FLT3: variants seen among roughly 807,000 people sequenced by gnomAD.
FLT3 encodes the protein fms related receptor tyrosine kinase 3.
In FLT3, 46 loss-of-function variants were observed where a neutral mutation model predicts 126.6. The observed-to-expected ratio is 0.36, with a 90% CI of 0.29 to 0.46. The LOEUF (loss-of-function observed/expected upper bound fraction) is 0.46. Among genes scored for constraint, FLT3 ranks in the 20% least tolerant of loss-of-function variants. The probability of loss-of-function intolerance (pLI) is 1.00; values close to 1 mark genes in which losing one functional copy is unlikely to be tolerated. For missense variants in FLT3, 1,069 were observed against 1,190.3 expected (o/e 0.90, Z 1.50); for synonymous variants, 404 against 434.4 (o/e 0.93, Z 0.87).
chr13:28,100,028 AGAC>A lies in FLT3; in HGVS notation c.43+437_43+439del, dbSNP rs1234557765. Among the ~76,000 whole-genome samples the A allele has an allele frequency of 6.6e-6, 1 of 152,194 alleles. No homozygotes were observed. The highest frequency in any genetic ancestry group is 1.9e-4 in the East Asian group (1 of 5,162). On this transcript the variant is annotated intron_variant, in intron 1 of 23. Transcript: ENST00000241453. The surrounding 1 kb of genome is among the most constrained non-coding windows in gnomAD (Gnocchi z 4.8). ...ATCAAAACCTCAAAAGAAGAGTTAA[AGAC>A]GACACCCAGGTGTCTACAGTATCCA...
chr13:28,048,070 A>G (rs991026798), intron 9 of FLT3, among the ~76,000 whole-genome samples: 2 of 152,236 alleles, frequency 1.3e-5, no homozygotes, highest in African/African-American at 4.8e-5. Flanking sequence ...GTTTTCATGC[A>G]GCAGGTTATA....
Position 28,049,501 on chromosome 13 carries a change from T to G in FLT3, c.919A>C (p.Arg307=). Residue 307 remains arginine (R), a synonymous_variant, in exon 8 of 24, where the codon AGA becomes CGA. Transcript: ENST00000241453. ...YFEMSTYSTN[R]TMIRILFAFV... ...GCAAACAGAATCCGTATCATAGTTCTGTTTGTTGAATAGGTACTCATCTCA... is the reference window on the plus strand; with the variant it reads ...GCAAACAGAATCCGTATCATAGTTCGGTTTGTTGAATAGGTACTCATCTCA... The G allele has an allele frequency of 6.2e-7, 1 of 1,614,040 alleles. No individual in the cohort carries two copies. The highest frequency in any genetic ancestry group is 8.5e-7 in the Non-Finnish European group (1 of 1,179,924).
chr13:28,086,893 C>G (rs1327507849), intron 1 of FLT3, among the ~76,000 whole-genome samples: 1 of 151,172 alleles, frequency 6.6e-6, no homozygotes, highest in East Asian at 2.0e-4. Flanking sequence ...GGGATCTGCC[C>G]ACCTTGGCCT....
intron 20 of FLT3, among the ~76,000 whole-genome samples, chr13:28,017,660 T>C (rs1207219353): frequency 1.4e-5 from 2 of 140,600 alleles, no homozygotes; most frequent in African/African-American, 2.6e-5. Flanking sequence ...GTTTTTTTTG[T>C]TGTTGTTTTT....
chr13:28,056,689 C>A (rs1035725261), intron 4 of FLT3, among the ~76,000 whole-genome samples: 1 of 152,224 alleles, frequency 6.6e-6, no homozygotes, highest in Non-Finnish European at 1.5e-5. Context: ...TGGTCTAGCA[C>A]GCATGTGGGC....
At position 28,011,791 on chromosome 13, in the gene FLT3, CTCTTTTTCTT is replaced by C. The variant is rs1566055227; in HGVS notation, c.2859+2651_2859+2660del. On this transcript the variant is annotated intron_variant, in intron 23 of 23. Coordinates refer to ENST00000241453, the MANE Select transcript of FLT3 (RefSeq NM_004119.3). ...TCCTTCCTTCTTTCTCTCTTTCTTT[CTCTTTTTCTT>C]TCTTTTTCTTTTTTGAGATAGAGTC... is the stretch of plus-strand genomic sequence containing the variant. Among the ~76,000 whole-genome samples the C allele has an allele frequency of 4.6e-5, 6 of 129,876 alleles. No homozygotes were observed. The South Asian group carries it at 7.4e-4, about 16-fold the overall frequency. The allele number at this position is 129,876 out of a possible 152,430, so 85.2% of individuals were successfully genotyped here.
chr13:28,039,154 G>A (rs1288942703), intron 9 of FLT3, among the ~76,000 whole-genome samples: 8 of 151,982 alleles, frequency 5.3e-5, no homozygotes, highest in Non-Finnish European at 7.4e-5. Context: ...GAGGAGGAAC[G>A]GCAAGCCTCT....
Position 28,015,274 on chromosome 13 carries a change from C to T in FLT3, c.2654-18G>A, listed in dbSNP as rs1951281488. 1 of 1,423,212 alleles carries T rather than the reference C, an allele frequency of 7.0e-7. No homozygotes were observed. Among genetic ancestry groups the T allele is most frequent in the Non-Finnish European group, 9.9e-7 (1 of 1,007,980 alleles). 88.2% of individuals were successfully genotyped at this position (1,423,212 alleles called of 1,614,324 possible). A position where few individuals can be genotyped will look rare whatever the true frequency, so the allele number is the denominator to read the frequency against. ...ATTCACACCTGAGGAAAACATTAGACAATTGCAGCCATTCATCCATTTCTT... is the reference window on the plus strand; with the variant it reads ...ATTCACACCTGAGGAAAACATTAGATAATTGCAGCCATTCATCCATTTCTT... On this transcript the variant is annotated intron_variant, in intron 21 of 23. Transcript: ENST00000241453.
In FLT3 at chr13:28,059,442, T is replaced by C. The variant is rs573930141; in HGVS notation, c.369-1980A>G. ...GGACAGCAGGGGGCAGCAATCAGCATAGAGCTATACAGGGTTAGGACATTA... is the reference window on the plus strand; with the variant it reads ...GGACAGCAGGGGGCAGCAATCAGCACAGAGCTATACAGGGTTAGGACATTA... On this transcript the variant is annotated intron_variant, in intron 3 of 23. Coordinates refer to ENST00000241453, the MANE Select transcript of FLT3 (RefSeq NM_004119.3). Among the ~76,000 whole-genome samples the C allele has an allele frequency of 2.0e-5, 3 of 152,304 alleles. No individual in the cohort carries two copies. The East Asian group carries it at 5.8e-4, about 29-fold the overall frequency.
At chr13:28,065,074 G>A (rs904450421) in intron 2 of FLT3, among the ~76,000 whole-genome samples, 1 of 152,110 alleles carries the variant, frequency 6.6e-6, no homozygotes, top group Non-Finnish European at 1.5e-5. Flanking sequence ...AGAAAGCTAG[G>A]TGCAAAAAGT....
chr13:28,098,361 T>C (rs1879610598), intron 1 of FLT3, among the ~76,000 whole-genome samples: 1 of 144,622 alleles, frequency 6.9e-6, no homozygotes, highest in African/African-American at 2.6e-5. Flanking sequence ...ATAAGGGAAA[T>C]TGGGATCCCA....
intron 4 of FLT3, among the ~76,000 whole-genome samples, chr13:28,056,518 T>C (rs1050453002): frequency 1.3e-5 from 2 of 152,190 alleles, no homozygotes; most frequent in Non-Finnish European, 2.9e-5. Flanking sequence ...TTCTTGGTCA[T>C]GGAAGGCGAA....
At chr13:28,084,653 A>C (rs1235916057) in intron 1 of FLT3, among the ~76,000 whole-genome samples, 1 of 152,156 alleles carries the variant, frequency 6.6e-6, no homozygotes, top group Non-Finnish European at 1.5e-5. Flanking sequence ...TATTGTAGTC[A>C]GAAGATATAC....
intron 1 of FLT3, among the ~76,000 whole-genome samples, chr13:28,072,187 TA>T (rs1877578289): frequency 6.6e-6 from 1 of 150,786 alleles, no homozygotes; most frequent in African/African-American, 2.4e-5. Context: ...TGTATATGTA[TA>T]TATTAAGTAT....
At chr13:28,095,493 C>T (rs944832988) in intron 1 of FLT3, among the ~76,000 whole-genome samples, 1 of 152,134 alleles carries the variant, frequency 6.6e-6, no homozygotes, top group African/African-American at 2.4e-5. Flanking sequence ...CCAGGATGGT[C>T]TTGATCTCTT....
At chr13:28,044,275 C>G (rs1026834645) in intron 9 of FLT3, among the ~76,000 whole-genome samples, 3 of 152,020 alleles carry the variant, frequency 2.0e-5, no homozygotes, top group African/African-American at 4.8e-5. Context: ...ATGGCAAAAC[C>G]CCGTCTCTAC....
intron 5 of FLT3, among the ~76,000 whole-genome samples, chr13:28,051,965 T>A (rs1875528559): frequency 6.6e-6 from 1 of 151,900 alleles, no homozygotes; most frequent in East Asian, 1.9e-4. Context: ...TTGTGTAGCA[T>A]GATGCCCAGG....
At position 28,037,257 on chromosome 13, in the gene FLT3, G is replaced by A. The variant is rs372040990; in HGVS notation, c.1237C>T (p.Pro413Ser). ...TCTGCATGGAATATATATTCTCCTGGCTGGTGCTTATGATTGCAAAACTTG... is the reference window on the plus strand; with the variant it reads ...TCTGCATGGAATATATATTCTCCTGACTGGTGCTTATGATTGCAAAACTTG... ...ISKFCNHKHQPGEYIFHAEND... is the reference protein window; with the variant it reads ...ISKFCNHKHQSGEYIFHAEND... Residue 413 changes from proline (P) to serine (S), a missense_variant, in exon 10 of 24, where the codon CCA (proline) becomes TCA (serine). Physicochemically the swap from Pro to Ser is moderately conservative, Grantham distance 74 (BLOSUM62 -1). Transcript: ENST00000241453. 49 of 1,611,680 alleles carry A rather than the reference G, an allele frequency of 3.0e-5. No individual in the cohort carries two copies. Among genetic ancestry groups the A allele is most frequent in the Non-Finnish European group, 4.1e-5 (48 of 1,178,102 alleles).
chr13:28,090,033 G>A (rs575447288), intron 1 of FLT3, among the ~76,000 whole-genome samples: 9 of 151,628 alleles, frequency 5.9e-5, no homozygotes, highest in Non-Finnish European at 8.8e-5. Flanking sequence ...GAGCTACTGC[G>A]CCCCGCCGTG....
Sources: allele counts gnomAD v4.1 joint callset (sites outside exome capture counted in the v4.1 genomes callset), GRCh38; gene constraint gnomAD v4.1.1; non-coding constraint Gnocchi (gnomAD v3.1); transcripts MANE v1.5; gene names NCBI Gene and HGNC (gene_info 2026-07-23, HGNC 2026-07-21).